The following HVCN1 variants were observed in gnomAD, a reference collection of about 807,000 sequenced individuals.
HVCN1 encodes the protein hydrogen voltage gated channel 1, also known as voltage-gated hydrogen channel 1.
A neutral mutation model predicts 29.2 loss-of-function variants in HVCN1; 14 were observed. The observed-to-expected ratio is 0.48, with a 90% confidence interval of 0.32 to 0.75. HVCN1 has a LOEUF of 0.75. Ranked by LOEUF, HVCN1 falls within the 30% of genes least tolerant of loss-of-function variation. The probability of loss-of-function intolerance (pLI) is 0.04; values close to 1 mark genes in which losing one functional copy is unlikely to be tolerated. For missense variants in HVCN1, 263 were observed against 341.8 expected (o/e 0.77, Z 1.82); for synonymous variants, 131 against 133.2 (o/e 0.98, Z 0.11).
intron 2 of HVCN1, among the ~76,000 whole-genome samples, chr12:110,696,514 A>C (rs1410092748): frequency 2.0e-5 from 3 of 152,030 alleles, no homozygotes; most frequent in Middle Eastern, 6.8e-3. Flanking sequence ...CAGGAGGTGG[A>C]GACCAGCCTG....
Position 110,655,358 on chromosome 12 carries a change from G to A in HVCN1, c.307-20C>T, listed in dbSNP as rs758088946. On this transcript the variant is annotated intron_variant, in intron 4 of 7. Coordinates refer to ENST00000242607, the MANE Select transcript of HVCN1 (RefSeq NM_032369.4). ...GATGACCTGTGGGCCGAGGGAAGGT[G>A]CCAGAGATCATGAGACCCCCACAGA... The A allele has an allele frequency of 6.3e-7, 1 of 1,588,910 alleles. No homozygotes were observed. The highest frequency in any genetic ancestry group is 8.6e-7 in the Non-Finnish European group (1 of 1,157,444).
intron 1 of HVCN1, among the ~76,000 whole-genome samples, chr12:110,703,349 A>G (rs934935227): frequency 6.6e-6 from 1 of 151,912 alleles, no homozygotes; most frequent in Non-Finnish European, 1.5e-5. Flanking sequence ...TGATCCCACC[A>G]CTGCCCTCCA....
chr12:110,667,933 C>A (rs534668191), intron 3 of HVCN1, among the ~76,000 whole-genome samples: 1 of 152,300 alleles, frequency 6.6e-6, no homozygotes, highest in South Asian at 2.1e-4. Flanking sequence ...CTCAGCAGAG[C>A]AGAAAACATT....
intron 2 of HVCN1, among the ~76,000 whole-genome samples, chr12:110,701,805 T>C (rs1352712781): frequency 6.6e-6 from 1 of 150,962 alleles, no homozygotes; most frequent in Non-Finnish European, 1.5e-5. Context: ...TGCAGTGAGC[T>C]GAGATCGTGC....
upstream of HVCN1, among the ~76,000 whole-genome samples, chr12:110,692,048 C>G (rs1474442275): frequency 1.3e-5 from 2 of 152,176 alleles, no homozygotes; most frequent in African/African-American, 4.8e-5. Context: ...AGGAAAAGAT[C>G]TCAAATGTGT....
chr12:110,695,256 G>GTA (rs2069471176), intron 2 of HVCN1, among the ~76,000 whole-genome samples: 1 of 149,334 alleles, frequency 6.7e-6, no homozygotes, highest in African/African-American at 2.5e-5. Flanking sequence ...ATACATATAT[G>GTA]TATATACACA....
chr12:110,663,243 G>A (rs1052520048), intron 3 of HVCN1, among the ~76,000 whole-genome samples: 1 of 152,026 alleles, frequency 6.6e-6, no homozygotes, highest in Non-Finnish European at 1.5e-5. Context: ...CCTACATAGG[G>A]TCCAAAGAGA....
At chr12:110,655,769 A>G (rs2067969996) in intron 4 of HVCN1, among the ~76,000 whole-genome samples, 1 of 147,906 alleles carries the variant, frequency 6.8e-6, no homozygotes, top group Non-Finnish European at 1.5e-5. Context: ...CAGTGGCATG[A>G]TCTCGCCTCA....
chr12:110,686,247 C>T (rs1359165005), intron 2 of HVCN1, among the ~76,000 whole-genome samples: 4 of 152,034 alleles, frequency 2.6e-5, no homozygotes, highest in Non-Finnish European at 5.9e-5. Flanking sequence ...TCAAGTGATC[C>T]GTTGCCTCAG....
At chr12:110,694,728 C>T (rs1380371732), upstream of HVCN1, among the ~76,000 whole-genome samples, 1 of 152,108 alleles carries the variant, frequency 6.6e-6, no homozygotes, top group Non-Finnish European at 1.5e-5. The surrounding 1 kb of genome is among the most constrained non-coding windows in gnomAD (Gnocchi z 4.6). Flanking sequence ...GATTTATCTA[C>T]AGCAGTGACG....
rs953968274 is a variant in HVCN1, at chr12:110,676,029, T to C, written c.21+7196A>G. 6.6e-6 allele frequency among the ~76,000 whole-genome samples: 1 copy of C among 152,200 alleles called. No homozygotes were observed. The highest frequency in any genetic ancestry group is 1.5e-5 in the Non-Finnish European group (1 of 68,040). On this transcript the variant is annotated intron_variant, in intron 3 of 7. Transcript: ENST00000242607. This position sits in a 1 kb window ranked among gnomAD's most constrained non-coding sequence, Gnocchi z 4.1. ...CAACATGGTAACCACCACCTGTCAG[T>C]GGACAGTCCACAGACTTGCAGCTGG...
At chr12:110,653,377 T>C (rs2067877583) in intron 5 of HVCN1, among the ~76,000 whole-genome samples, 1 of 152,002 alleles carries the variant, frequency 6.6e-6, no homozygotes, top group Non-Finnish European at 1.5e-5. Context: ...GGAGGAAGGC[T>C]TGAGCCCATG....
At chr12:110,663,617 TAAAA>T (rs2068252216) in intron 3 of HVCN1, among the ~76,000 whole-genome samples, 1 of 111,868 alleles carries the variant, frequency 8.9e-6, no homozygotes, top group Admixed American at 9.0e-5. Flanking sequence ...AAAAAAAGAA[TAAAA>T]AAGAAAAAAA....
intron 1 of HVCN1, among the ~76,000 whole-genome samples, chr12:110,704,414 T>A (rs1011711728): frequency 2.0e-5 from 3 of 152,062 alleles, no homozygotes; most frequent in African/African-American, 7.2e-5. Flanking sequence ...TTTGGGAGGC[T>A]GATGCGGGCA....
intron 3 of HVCN1, among the ~76,000 whole-genome samples, chr12:110,668,467 T>G (rs1593480067): frequency 6.6e-6 from 1 of 152,162 alleles, no homozygotes; most frequent in African/African-American, 2.4e-5. Context: ...ATCATGCCAC[T>G]GCACTCCAGC....
In HVCN1 at chr12:110,661,315, T is replaced by C; in HGVS notation, c.155A>G (p.Glu52Gly). 1 of 1,614,176 alleles carries C rather than the reference T, an allele frequency of 6.2e-7. No homozygotes were observed. Among genetic ancestry groups the C allele is most frequent in the Non-Finnish European group, 8.5e-7 (1 of 1,180,020 alleles). ...TGTGGGTGGTGGCTGCTCCTCCTCC[T>C]CCTCCTCCTCTTCATTCTCCCATTT... ...YKKWENEEEE[E>G]EEEQPPPTPV... Residue 52 changes from glutamate (E) to glycine (G), a missense_variant, in exon 4 of 8, where the codon GAG (glutamate) becomes GGG (glycine). This residue lies in a region of HVCN1 where 157 missense variants were observed against 181.3 expected (regional missense o/e 0.87). Coordinates refer to ENST00000242607, the MANE Select transcript of HVCN1 (RefSeq NM_032369.4). The surrounding 1 kb of genome is among the most constrained non-coding windows in gnomAD (Gnocchi z 6.2).
At chr12:110,675,585 A>AT (rs921198052) in intron 3 of HVCN1, among the ~76,000 whole-genome samples, 3 of 151,694 alleles carry the variant, frequency 2.0e-5, no homozygotes, top group South Asian at 2.1e-4. Context: ...AGAAAAGTAG[A>AT]TTTTTTTTTC....
chr12:110,662,177 G>A (rs955309732), intron 3 of HVCN1, among the ~76,000 whole-genome samples: 48 of 152,124 alleles, frequency 3.2e-4, no homozygotes, highest in African/African-American at 8.2e-4. Flanking sequence ...TGGGGTGGCC[G>A]TCCAGACTCA....
At chr12:110,682,313 C>A (rs537609552) in intron 3 of HVCN1, among the ~76,000 whole-genome samples, 25 of 152,112 alleles carry the variant, frequency 1.6e-4, no homozygotes, top group African/African-American at 5.3e-4. Context: ...AATTCTCCTG[C>A]CTCAGCCTCC....
Sources: gnomAD v4.1 joint callset for allele counts (sites outside exome capture counted in the v4.1 genomes callset) on GRCh38, gnomAD v4.1.1 for gene constraint, gnomAD v4.1.1 regional missense constraint, Gnocchi (gnomAD v3.1) non-coding constraint, MANE v1.5 for transcripts, NCBI Gene and HGNC (gene_info 2026-07-23, HGNC 2026-07-21) for gene names.